The following UEVLD variants were observed in gnomAD, a reference collection of about 807,000 sequenced individuals.
UEVLD encodes the protein ubiquitin-conjugating enzyme E2 variant 3.
UEVLD carries 47 observed loss-of-function variants against 58.6 expected under a neutral mutation model. That is an observed-to-expected ratio of 0.80 (90% confidence interval 0.63 to 1.02). The LOEUF is 1.02. Among genes scored for constraint, UEVLD ranks in the 50% least tolerant of loss-of-function variants. The pLI, the probability that UEVLD is intolerant of heterozygous loss-of-function variation, is 0.00. For missense variants in UEVLD, 510 were observed against 550.6 expected, an observed-to-expected ratio of 0.93 and a Z score of 0.74; for synonymous variants, 197 against 195.3, an observed-to-expected ratio of 1.01 and a Z score of -0.07.
At chr11:18,534,960 A>C (rs1315416050) in intron 10 of UEVLD, among the ~76,000 whole-genome samples, 2 of 152,214 alleles carry the variant, frequency 1.3e-5, no homozygotes, top group African/African-American at 4.8e-5. Context: ...ATTTGGAAAC[A>C]ACTCATCAAA....
chr11:18,539,154 C>T (rs1368687734), intron 9 of UEVLD: 2 of 145,634 alleles, frequency 1.4e-5, no homozygotes, highest in African/African-American at 5.1e-5. Context: ...CGGCTCACTG[C>T]ACCACCTCCC....
At chr11:18,559,450 C>T (rs747983013) in intron 6 of UEVLD, among the ~76,000 whole-genome samples, 6 of 152,068 alleles carry the variant, frequency 3.9e-5, no homozygotes, top group Non-Finnish European at 7.3e-5. Context: ...CTGCCTGCCT[C>T]GTCCTCTCAA....
At chr11:18,544,853 C>T in intron 8 of UEVLD, 57 bp from the exon 9 acceptor site, 1 of 1,302,892 alleles carries the variant, frequency 7.7e-7, no homozygotes, top group Admixed American at 3.0e-5. Flanking sequence ...TACTTCTAGC[C>T]TAGCTCACAA....
intron 9 of UEVLD, chr11:18,536,895 C>CTTTTTTT (rs370747121): frequency 5.0e-5 from 7 of 139,950 alleles, no homozygotes; most frequent in South Asian, 2.1e-4. Flanking sequence ...AATCCTGTTC[C>CTTTTTTT]TTTTTTTTTT....
Position 18,570,349 on chromosome 11 carries a change from G to A in UEVLD, c.222C>T (p.Phe74=). Residue 74 remains phenylalanine (F), a synonymous_variant, in exon 4 of 12, where the codon TTC becomes TTT. Transcript: ENST00000396197. ...QGNTYNIPIR[F]WILDSHPFAP... Reference sequence around the variant, plus strand: ...CGAAAGGGTGAGAATCCAAAATCCAGAAACGAATTGGTATGTTATATGTAT... The same window carrying A: ...CGAAAGGGTGAGAATCCAAAATCCAAAAACGAATTGGTATGTTATATGTAT... 1.9e-6 allele frequency: 3 copies of A among 1,570,672 alleles called. 1 individual carries two copies. The South Asian group carries it at 3.6e-5, about 19-fold the overall frequency.
chr11:18,560,653 A>C (rs1320997448), intron 6 of UEVLD, among the ~76,000 whole-genome samples: 1 of 152,216 alleles, frequency 6.6e-6, no homozygotes, highest in East Asian at 1.9e-4. Flanking sequence ...AGATTGAAAA[A>C]GTTTTAAAAT....
chr11:18,560,126 C>T lies in UEVLD; in HGVS notation c.613-1796G>A, dbSNP rs909991595. On this transcript the variant is annotated intron_variant, in intron 6 of 11. Transcript: ENST00000396197. The stretch of plus-strand genomic sequence containing the variant: ...ACACACACACACACACACACACACA[C>T]ACACACACACACAGAGAGAGAAAGA... Among the ~76,000 whole-genome samples the T allele has an allele frequency of 3.0e-4, 26 of 86,432 alleles. 1 individual carries two copies. Among genetic ancestry groups the T allele is most frequent in the African/African-American group, 1.3e-3 (26 of 19,570 alleles). The allele number at this position is 86,432 out of a possible 152,430, so 56.7% of individuals were successfully genotyped here. A position where few individuals can be genotyped will look rare whatever the true frequency, so the allele number is the denominator to read the frequency against.
intron 3 of UEVLD, among the ~76,000 whole-genome samples, chr11:18,572,510 T>C (rs1363774341): frequency 1.3e-5 from 2 of 151,698 alleles, no homozygotes; most frequent in African/African-American, 2.4e-5. Context: ...AAGAGAGTAA[T>C]AAAGGCAGAC....
At chr11:18,554,031 T>A (rs1490432089) in intron 7 of UEVLD, among the ~76,000 whole-genome samples, 2 of 152,204 alleles carry the variant, frequency 1.3e-5, no homozygotes, top group Non-Finnish European at 2.9e-5. Context: ...TACTATTATA[T>A]GCAAAAAACA....
At chr11:18,584,075 T>C (rs117398040) in intron 1 of UEVLD, among the ~76,000 whole-genome samples, 48 of 152,236 alleles carry the variant, frequency 3.2e-4, no homozygotes, top group Admixed American at 7.9e-4. Context: ...ACACTTAATA[T>C]AAACGAAGGA....
intron 9 of UEVLD, chr11:18,539,130 C>G (rs1850948290): frequency 7.3e-6 from 1 of 136,422 alleles, no homozygotes; most frequent in Admixed American, 7.8e-5. Context: ...GGCTGGAGTG[C>G]AGTGGTGCAA....
In UEVLD at chr11:18,570,248, C is replaced by T. The variant is rs1300151459; in HGVS notation, c.323G>A (p.Arg108Lys). Residue 108 changes from arginine (R) to lysine (K), a missense_variant, in exon 4 of 12, where the codon AGA (arginine) becomes AAA (lysine). Physicochemically the swap from Arg to Lys is conservative, Grantham distance 26 (BLOSUM62 2). Coordinates refer to ENST00000396197, the MANE Select transcript of UEVLD (RefSeq NM_001040697.4). ...GTTTTGGAGATAGGGCAAATATATT[C>T]TGCCTTGAGCATCCACATGTTTTCC... The part of the protein sequence containing the change: ...LVGKHVDAQG[R>K]IYLPYLQNWS... 2 of 1,605,244 alleles carry T rather than the reference C, an allele frequency of 1.2e-6. No individual in the cohort carries two copies. The highest frequency in any genetic ancestry group is 1.7e-6 in the Non-Finnish European group (2 of 1,176,900).
intron 7 of UEVLD, among the ~76,000 whole-genome samples, chr11:18,555,326 TG>T (rs1851711960): frequency 6.6e-6 from 1 of 151,726 alleles, no homozygotes; most frequent in Non-Finnish European, 1.5e-5. Context: ...CTCGGGAGGC[TG>T]AGGCGGGAGA....
intron 7 of UEVLD, among the ~76,000 whole-genome samples, chr11:18,553,025 T>G (rs1025191241): frequency 2.0e-5 from 3 of 151,670 alleles, no homozygotes; most frequent in South Asian, 2.1e-4. Flanking sequence ...CATGGTGGCA[T>G]GCGCCTATAG....
intron 2 of UEVLD, 127 bp downstream of exon 2, chr11:18,578,597 T>C: frequency 1.5e-6 from 1 of 686,240 alleles, no homozygotes. Context: ...AAATTGCAGG[T>C]CATAAAGTAT....
intron 9 of UEVLD, among the ~76,000 whole-genome samples, chr11:18,542,100 G>C (rs529116271): frequency 3.3e-5 from 5 of 152,266 alleles, no homozygotes; most frequent in South Asian, 4.1e-4. Flanking sequence ...GCCTCTGAAA[G>C]TTTTTGAAAA....
At chr11:18,535,904 A>T (rs2133953984) in intron 10 of UEVLD, among the ~76,000 whole-genome samples, 1 of 152,352 alleles carries the variant, frequency 6.6e-6, no homozygotes, top group Middle Eastern at 3.4e-3. Flanking sequence ...TGGGAGGCCA[A>T]GGCGGGTGGA....
chr11:18,536,895 C>CTTTTT lies in UEVLD; in HGVS notation c.1061-431_1061-427dup, dbSNP rs370747121. On this transcript the variant is annotated intron_variant, in intron 9 of 11. Coordinates refer to ENST00000396197, the MANE Select transcript of UEVLD (RefSeq NM_001040697.4). Reference sequence around the variant, plus strand: ...GTTACAGAGGCAGAGAATCCTGTTCCTTTTTTTTTTTTTTTTTTCAGATGG... The same window carrying CTTTTT: ...GTTACAGAGGCAGAGAATCCTGTTCCTTTTTTTTTTTTTTTTTTTTTTTCAGATGG... 227 of 139,912 alleles carry CTTTTT rather than the reference C, an allele frequency of 1.6e-3. 1 individual carries two copies. The highest frequency in any genetic ancestry group is 0.013 in the East Asian group (58 of 4,518). 8.7% of individuals were successfully genotyped at this position (139,912 alleles called of 1,614,324 possible).
Position 18,558,232 on chromosome 11 carries a change from G to C in UEVLD, c.711C>G (p.Ser237Arg). ...CTTTAAGCAGAATAAACAGACCTTT[G>C]CTGATCTCCACATTAGGAAGGTTGA... ...EIFNLPNVEI[S>R]KDLSASAHSK... The change falls in exon 7 of 12, where the codon AGC (serine) becomes AGG (arginine). Residue 237 changes from serine to arginine, a missense_variant. Ser to Arg is a moderately radical substitution (Grantham distance 110). Coordinates refer to ENST00000396197, the MANE Select transcript of UEVLD (RefSeq NM_001040697.4). The C allele has an allele frequency of 6.2e-7, 1 of 1,610,606 alleles. No homozygotes were observed. The highest frequency in any genetic ancestry group is 8.5e-7 in the Non-Finnish European group (1 of 1,178,304).
Sources: allele counts gnomAD v4.1 joint callset (sites outside exome capture counted in the v4.1 genomes callset), GRCh38; gene constraint gnomAD v4.1.1; transcripts MANE v1.5; gene names NCBI Gene and HGNC (gene_info 2026-07-23, HGNC 2026-07-21).